Variants in PRDM4 observed in about 807,000 individuals in gnomAD.
PRDM4 encodes PR/SET domain 4.
In PRDM4, 38 loss-of-function variants were observed where a neutral mutation model predicts 62.3. That is an observed-to-expected ratio of 0.61 (90% CI 0.47 to 0.80). The LOEUF is 0.80. Ranked by LOEUF, PRDM4 falls within the 30% of genes least tolerant of loss-of-function variation. PRDM4 has a pLI of 0.00. For synonymous variants in PRDM4, 339 were observed against 348.2 expected, an observed-to-expected ratio of 0.97 and a Z score of 0.30; for missense variants, 858 against 997.1, an observed-to-expected ratio of 0.86 and a Z score of 1.88.
intron 11 of PRDM4, among the ~76,000 whole-genome samples, chr12:107,737,145 G>A (rs573031110): frequency 2.6e-5 from 4 of 151,576 alleles, no homozygotes; most frequent in Non-Finnish European, 5.9e-5. Flanking sequence ...TACAGGAAGG[G>A]CAAAGCCAGG....
Position 107,754,044 on chromosome 12 carries a change from T to C in PRDM4, c.211A>G (p.Met71Val), listed in dbSNP as rs1351545670. The C allele has an allele frequency of 3.1e-6, 5 of 1,613,766 alleles. No homozygotes were observed. Among genetic ancestry groups the C allele is most frequent in the African/African-American group, 1.3e-5 (1 of 74,888 alleles). The change falls in exon 4 of 12, where the codon ATG (methionine) becomes GTG (valine). Residue 71 changes from methionine (M) to valine (V), a missense_variant. Met to Val is a conservative substitution (Grantham distance 21, BLOSUM62 1). Transcript: ENST00000228437. ...LSSLPSALSL[M>V]LPMGIGDRGV... The stretch of plus-strand genomic sequence containing the variant: ...CGATCCCCAATACCCATTGGTAGCA[T>C]TAAAGACAGAGCAGAAGGCAGAGAG...
intron 3 of PRDM4, 25 bp from the exon 4 acceptor site, chr12:107,754,134 A>C (rs746971561): frequency 2.0e-6 from 3 of 1,526,364 alleles, no homozygotes; most frequent in Non-Finnish European, 2.7e-6. Flanking sequence ...TTTTTTTCTC[A>C]GTTAAAAGAA....
chr12:107,753,199 C>T (rs1890953771), intron 4 of PRDM4, among the ~76,000 whole-genome samples: 1 of 151,942 alleles, frequency 6.6e-6, no homozygotes, highest in Admixed American at 6.6e-5. Context: ...TGCCAAAACC[C>T]CATCTCTTTT....
chr12:107,737,232 G>GT (rs1020584815), intron 11 of PRDM4, among the ~76,000 whole-genome samples: 2 of 151,820 alleles, frequency 1.3e-5, no homozygotes, highest in Non-Finnish European at 2.9e-5. Flanking sequence ...GGCTGTAGCT[G>GT]TTTTTTTTAA....
intron 9 of PRDM4, 148 bp downstream of exon 9, chr12:107,742,073 A>G: frequency 1.2e-6 from 1 of 858,992 alleles, no homozygotes; most frequent in Non-Finnish European, 1.7e-6. Context: ...ACAGATTTTA[A>G]CACCTCAAAT....
rs143824903 is a variant in PRDM4 at position 107,734,291 on chromosome 12, T to C, written c.2325A>G (p.Leu775=). 1,700 of 1,614,208 alleles carry C rather than the reference T, an allele frequency of 1.1e-3. 13 individuals are homozygous for C. Among genetic ancestry groups the C allele is most frequent in the Non-Finnish European group, 4.8e-4 (568 of 1,180,038 alleles). The change falls in exon 12 of 12, where the codon CTA becomes CTG. Residue 775 remains leucine (L), a synonymous_variant. Coordinates refer to ENST00000228437, the MANE Select transcript of PRDM4 (RefSeq NM_012406.4). ...AGTCTTCTGTCCCCACAGAGTCTGCTAGATCTTCCTCTTCTGAGTCATCCT... is the reference window on the plus strand; with the variant it reads ...AGTCTTCTGTCCCCACAGAGTCTGCCAGATCTTCCTCTTCTGAGTCATCCT... ...EEEDDSEEED[L]ADSVGTEDCR...
intron 3 of PRDM4, among the ~76,000 whole-genome samples, chr12:107,756,581 A>G (rs1870526890): frequency 6.6e-6 from 1 of 152,220 alleles, no homozygotes; most frequent in Non-Finnish European, 1.5e-5. Flanking sequence ...ACAGCTCTGG[A>G]CAAAAAGCTA....
Position 107,741,264 on chromosome 12 carries a change from T to C in PRDM4, c.1610-4A>G. ...ACATCTGGGTGTTCAGGAACACCTTTTAAAAAAAAATTACTCATTATCTCC... is the reference window on the plus strand; with the variant it reads ...ACATCTGGGTGTTCAGGAACACCTTCTAAAAAAAAATTACTCATTATCTCC... On this transcript the variant is annotated splice_polypyrimidine_tract_variant and splice_region_variant and intron_variant, in intron 9 of 11. Coordinates refer to ENST00000228437, the MANE Select transcript of PRDM4 (RefSeq NM_012406.4). The C allele has an allele frequency of 6.3e-7, 1 of 1,592,478 alleles. No individual in the cohort carries two copies. The highest frequency in any genetic ancestry group is 8.6e-7 in the Non-Finnish European group (1 of 1,167,682).
At chr12:107,754,203 C>T (rs1890991978) in intron 3 of PRDM4, 94 bp from the exon 4 acceptor site, 1 of 1,012,980 alleles carries the variant, frequency 9.9e-7, no homozygotes, top group East Asian at 2.7e-5. Flanking sequence ...AAGGTTTTTA[C>T]ACATGGGCAA....
Position 107,749,818 on chromosome 12 carries a change from G to A in PRDM4, c.1126+1597C>T, listed in dbSNP as rs552796717. On this transcript the variant is annotated intron_variant, in intron 5 of 11. Transcript: ENST00000228437. ...CCCTCACTCCCTAAAACTCTTGACC[G>A]GTCTTAAAAGAGCCTTTGTGTTCTG... 3.3e-5 allele frequency among the ~76,000 whole-genome samples: 5 copies of A among 152,108 alleles called. No individual in the cohort carries two copies. The South Asian group carries it at 6.2e-4, about 19-fold the overall frequency.
In PRDM4 at chr12:107,741,603, T is replaced by C. The variant is rs143060173; in HGVS notation, c.1610-343A>G. Among the ~76,000 whole-genome samples the C allele has an allele frequency of 1.5e-3, 228 of 151,986 alleles. 2 individuals carry two copies. The highest frequency in any genetic ancestry group is 6.8e-3 in the Admixed American group (103 of 15,254). On this transcript the variant is annotated intron_variant, in intron 9 of 11. Coordinates refer to ENST00000228437, the MANE Select transcript of PRDM4 (RefSeq NM_012406.4). ...GCATGGTGATGTACACCCATAGTCC[T>C]AGCTAATCAGGAGACTGAGGCAGGA...
chr12:107,755,834 C>G (rs10861776), intron 3 of PRDM4, among the ~76,000 whole-genome samples: 28,099 of 152,098 alleles, frequency 0.18, 3,627 homozygotes, highest in East Asian at 0.52. Flanking sequence ...CCTAAAATCC[C>G]AGCACTCTGG....
chr12:107,757,489 T>C (rs1025349001), intron 2 of PRDM4, among the ~76,000 whole-genome samples: 1 of 152,196 alleles, frequency 6.6e-6, no homozygotes, highest in Non-Finnish European at 1.5e-5. Flanking sequence ...TTTACTAAGA[T>C]TCTGTATCAG....
At chr12:107,755,401 A>G (rs2136332826) in intron 3 of PRDM4, among the ~76,000 whole-genome samples, 1 of 152,210 alleles carries the variant, frequency 6.6e-6, no homozygotes, top group South Asian at 2.1e-4. Context: ...CCTGGCTGGC[A>G]ATATTTTTTA....
intron 6 of PRDM4, among the ~76,000 whole-genome samples, chr12:107,745,982 G>T (rs139381593): frequency 6.6e-6 from 1 of 152,318 alleles, no homozygotes; most frequent in African/African-American, 2.4e-5. Flanking sequence ...TAGAATAATT[G>T]TTAGTGGATG....
At position 107,751,914 on chromosome 12, in the gene PRDM4, C is replaced by T. The variant is rs763452041; in HGVS notation, c.627G>A (p.Met209Ile). ...CACCGTCCATCGTAAGCTCCTCTGC[C>T]ATTCCATCTGTCGAAATTGGGCTGG... ...RVTSPISTDG[M>I]AEELTMDGVA... Residue 209 changes from methionine (M) to isoleucine (I), a missense_variant, in exon 5 of 12, where the codon ATG becomes ATA. Transcript: ENST00000228437. The T allele has an allele frequency of 1.9e-6, 3 of 1,614,256 alleles. No homozygotes were observed. The highest frequency in any genetic ancestry group is 2.5e-6 in the Non-Finnish European group (3 of 1,180,050).
intron 8 of PRDM4, 100 bp from the exon 9 acceptor site, chr12:107,742,448 AACTATTT>A (rs2136314256): frequency 7.6e-7 from 1 of 1,309,142 alleles, no homozygotes; most frequent in Admixed American, 2.0e-5. Flanking sequence ...GCTTAGGCAG[AACTATTT>A]ACTATTTCCT....
At position 107,753,963 on chromosome 12, in the gene PRDM4, G is replaced by T; in HGVS notation, c.292C>A (p.Pro98Thr). Residue 98 changes from proline to threonine, a missense_variant, in exon 4 of 12, where the codon CCT becomes ACT. Pro to Thr is a conservative substitution (Grantham distance 38). This residue lies in a region of PRDM4 where 499 missense variants were observed against 546.7 expected (regional missense o/e 0.91). Transcript: ENST00000228437. ...CTGAAATAACTGCTCTCCAGGTGAGGGTAAGGTGGTGGAGGTAGGGTGTAG... is the reference window on the plus strand; with the variant it reads ...CTGAAATAACTGCTCTCCAGGTGAGTGTAAGGTGGTGGAGGTAGGGTGTAG... Reference protein sequence around the residue: ...RNYTLPPPPYPHLESSYFRTI... With the variant: ...RNYTLPPPPYTHLESSYFRTI... The T allele has an allele frequency of 6.2e-7, 1 of 1,614,052 alleles. No homozygotes were observed. The highest frequency in any genetic ancestry group is 1.1e-5 in the South Asian group (1 of 91,082).
At chr12:107,746,730 C>T (rs970196021) in intron 5 of PRDM4, among the ~76,000 whole-genome samples, 1 of 152,088 alleles carries the variant, frequency 6.6e-6, no homozygotes, top group Non-Finnish European at 1.5e-5. Flanking sequence ...GATGATGCAC[C>T]CACCTCAGCC....
Sources: gnomAD v4.1 joint callset for allele counts (sites outside exome capture counted in the v4.1 genomes callset) on GRCh38, gnomAD v4.1.1 for gene constraint, gnomAD v4.1.1 regional missense constraint, MANE v1.5 for transcripts, NCBI Gene and HGNC (gene_info 2026-07-23, HGNC 2026-07-21) for gene names.